The following RAB22A variants were observed in gnomAD, a reference collection of about 807,000 sequenced individuals.
RAB22A encodes the protein RAB22A, member RAS oncogene family.
RAB22A carries 13 observed loss-of-function variants against 30.2 expected under a neutral mutation model. The ratio of observed to expected loss-of-function variants is 0.43; its 90% CI spans 0.28 to 0.68. RAB22A has a LOEUF of 0.68. Among genes scored for constraint, RAB22A ranks in the 30% least tolerant of loss-of-function variants. The pLI, the probability that RAB22A is intolerant of heterozygous loss-of-function variation, is 0.18. For synonymous variants in RAB22A, 89 were observed against 87.2 expected, an observed-to-expected ratio of 1.02 and a Z score of -0.11; for missense variants, 177 against 246.8, an observed-to-expected ratio of 0.72 and a Z score of 1.89.
intron 3 of RAB22A, 106 bp downstream of exon 3, chr20:58,343,905 A>G (rs1986901088): frequency 1.1e-6 from 1 of 901,422 alleles, no homozygotes; most frequent in South Asian, 1.5e-5. Context: ...TCTTCTGTGC[A>G]CCGGAGACAC....
chr20:58,323,393 T>C lies in RAB22A; in HGVS notation c.116+12271T>C, dbSNP rs77482837. On this transcript the variant is annotated intron_variant, in intron 2 of 6. Transcript: ENST00000244040. ...CTATACATTATTTTTTTGTGTTCTC[T>C]GTATACTTTTATATCACCTGGGAAT... Among the ~76,000 whole-genome samples the C allele has an allele frequency of 9.3e-3, 1,410 of 152,244 alleles. 17 individuals carry two copies. The highest frequency in any genetic ancestry group is 0.032 in the African/African-American group (1,335 of 41,556).
chr20:58,330,814 C>A (rs1181582246), intron 2 of RAB22A, among the ~76,000 whole-genome samples: 1 of 152,210 alleles, frequency 6.6e-6, no homozygotes, highest in Non-Finnish European at 1.5e-5. Context: ...TTGGAAACAA[C>A]TGAAATCTCT....
intron 2 of RAB22A, among the ~76,000 whole-genome samples, chr20:58,337,044 C>T (rs989972383): frequency 1.3e-5 from 2 of 152,222 alleles, no homozygotes; most frequent in African/African-American, 2.4e-5. Context: ...CCATACTTCA[C>T]CTCTTCTCTG....
chr20:58,337,301 C>G (rs77825779), intron 2 of RAB22A, among the ~76,000 whole-genome samples: 1 of 152,266 alleles, frequency 6.6e-6, no homozygotes, highest in Admixed American at 6.5e-5. Flanking sequence ...CTTTCATCTT[C>G]AAGGCCCGTC....
intron 2 of RAB22A, among the ~76,000 whole-genome samples, chr20:58,317,683 C>A (rs943406479): frequency 6.6e-6 from 1 of 151,230 alleles, no homozygotes; most frequent in African/African-American, 2.4e-5. Flanking sequence ...CTCAGCCTCC[C>A]GAGTAGCTGG....
At chr20:58,310,991 T>C in intron 1 of RAB22A, 52 bp from the exon 2 acceptor site, 1 of 1,437,180 alleles carries the variant, frequency 7.0e-7, no homozygotes, top group African/African-American at 1.4e-5. Context: ...TAGTTTTTGG[T>C]GTCTGCCAAA....
intron 2 of RAB22A, among the ~76,000 whole-genome samples, chr20:58,331,350 A>G (rs565594896): frequency 6.6e-6 from 1 of 152,106 alleles, no homozygotes; most frequent in East Asian, 1.9e-4. Flanking sequence ...CTATTTGTTT[A>G]TTTATTGTCA....
chr20:58,323,782 T>C (rs1161146029), intron 2 of RAB22A, among the ~76,000 whole-genome samples: 1 of 151,964 alleles, frequency 6.6e-6, no homozygotes, highest in East Asian at 1.9e-4. Context: ...AGAAGCACCT[T>C]TATTTTGTTT....
chr20:58,323,263 ATTTTCT>A (rs1346517090), intron 2 of RAB22A, among the ~76,000 whole-genome samples: 2 of 151,636 alleles, frequency 1.3e-5, no homozygotes, highest in African/African-American at 4.8e-5. Context: ...TGAAATTTTC[ATTTTCT>A]TTTTATTTGT....
chr20:58,329,629 T>C (rs555575427), intron 2 of RAB22A, among the ~76,000 whole-genome samples: 6 of 152,338 alleles, frequency 3.9e-5, no homozygotes, highest in Admixed American at 1.3e-4. Context: ...GAAATTTGAT[T>C]AGTTTTACAA....
chr20:58,313,134 GCTTCATGCAT>G (rs1230364637), intron 2 of RAB22A, among the ~76,000 whole-genome samples: 2 of 152,236 alleles, frequency 1.3e-5, no homozygotes, highest in African/African-American at 4.8e-5. Flanking sequence ...GAAGGGTGTA[GCTTCATGCAT>G]CTTGGTGAGG....
intron 2 of RAB22A, among the ~76,000 whole-genome samples, chr20:58,338,655 C>G (rs879944419): frequency 6.6e-6 from 1 of 152,178 alleles, no homozygotes; most frequent in Non-Finnish European, 1.5e-5. Flanking sequence ...CTAACATAAG[C>G]CAAATGTGCG....
intron 2 of RAB22A, among the ~76,000 whole-genome samples, chr20:58,337,080 C>T (rs1811308848): frequency 1.3e-5 from 2 of 152,144 alleles, no homozygotes; most frequent in African/African-American, 4.8e-5. Flanking sequence ...CATTTGTTTC[C>T]TCTTGCTGCT....
At chr20:58,315,003 G>A (rs911096165) in intron 2 of RAB22A, among the ~76,000 whole-genome samples, 2 of 152,110 alleles carry the variant, frequency 1.3e-5, no homozygotes, top group Non-Finnish European at 2.9e-5. Flanking sequence ...GGAGGCCGGG[G>A]TGGCTGGAGG....
At chr20:58,354,104 C>T in intron 5 of RAB22A, 52 bp from the exon 6 acceptor site, 2 of 1,356,752 alleles carry the variant, frequency 1.5e-6, no homozygotes, top group Non-Finnish European at 2.1e-6. Flanking sequence ...GGTGGGGGTA[C>T]AACTAAGATC....
At chr20:58,315,403 A>G (rs890824874) in intron 2 of RAB22A, among the ~76,000 whole-genome samples, 15 of 151,886 alleles carry the variant, frequency 9.9e-5, no homozygotes, top group Non-Finnish European at 1.5e-5. Context: ...CATACCTCAC[A>G]CGGTATCTGT....
In RAB22A at chr20:58,362,673, G is replaced by A. The variant is rs1181955093; in HGVS notation, c.*2970G>A. 2 of 152,250 alleles carry A rather than the reference G, an allele frequency of 1.3e-5. No homozygotes were observed. The highest frequency in any genetic ancestry group is 2.9e-5 in the Non-Finnish European group (2 of 68,042). 9.4% of individuals were successfully genotyped at this position (152,250 alleles called of 1,614,324 possible). On this transcript the variant is annotated 3_prime_UTR_variant, in exon 7 of 7. Coordinates refer to ENST00000244040, the MANE Select transcript of RAB22A (RefSeq NM_020673.3). ...CATCTGGTGATTAAAAGAACATAAA[G>A]TAAGATTATGATTAAGTGTCCATCA...
intron 2 of RAB22A, among the ~76,000 whole-genome samples, chr20:58,323,881 C>T (rs1372512057): frequency 1.3e-5 from 2 of 151,770 alleles, no homozygotes; most frequent in African/African-American, 4.8e-5. Flanking sequence ...TAATTATACT[C>T]TTTTATGTTA....
chr20:58,360,627 A>G lies in RAB22A; in HGVS notation c.*924A>G, dbSNP rs1367461667. 4 of 152,644 alleles carry G rather than the reference A, an allele frequency of 2.6e-5. No individual in the cohort carries two copies. Among genetic ancestry groups the G allele is most frequent in the Admixed American group, 6.5e-5 (1 of 15,276 alleles). 9.5% of individuals were successfully genotyped at this position (152,644 alleles called of 1,614,324 possible). On this transcript the variant is annotated 3_prime_UTR_variant, in exon 7 of 7. Coordinates refer to ENST00000244040, the MANE Select transcript of RAB22A (RefSeq NM_020673.3). ...TGGGGCCATTGCTTAAAGATTATAA[A>G]TTATGTAAATACATTAATAAATTCT...
Sources: gnomAD v4.1 joint callset for allele counts (sites outside exome capture counted in the v4.1 genomes callset) on GRCh38, gnomAD v4.1.1 for gene constraint, MANE v1.5 for transcripts, NCBI Gene and HGNC (gene_info 2026-07-23, HGNC 2026-07-21) for gene names.